CATSPERG: variants seen among roughly 807,000 people sequenced by gnomAD.
CATSPERG encodes cation channel sperm-associated auxiliary subunit gamma.
In CATSPERG, 115 loss-of-function variants were observed where a neutral mutation model predicts 145.0. The observed-to-expected ratio is 0.79, with a 90% CI of 0.68 to 0.93. CATSPERG has a LOEUF of 0.93. CATSPERG is among the 40% of genes least tolerant of loss of function. The pLI is 0.00. For missense variants in CATSPERG, 1,296 were observed against 1,490.1 expected (o/e 0.87, Z 2.14); for synonymous variants, 588 against 589.0 (o/e 1.00, Z 0.02).
chr19:38,367,623 G>A (rs1325750494), intron 24 of CATSPERG, 51 bp downstream of exon 24: 4 of 1,611,940 alleles, frequency 2.5e-6, no homozygotes, highest in Non-Finnish European at 3.4e-6. Flanking sequence ...AGTGGAAGGA[G>A]ATGGGTGCAG....
In CATSPERG at chr19:38,352,162, C is replaced by T. The variant is rs1970153190; in HGVS notation, c.826-99C>T. ...CGCCCTGGGGCAGCTACATGTGTCC[C>T]TCCCAAGCAGCTGTCAGAGCAGGAG... is the stretch of plus-strand genomic sequence containing the variant. On this transcript the variant is annotated intron_variant, in intron 7 of 28. Coordinates refer to ENST00000409235, the MANE Select transcript of CATSPERG (RefSeq NM_021185.5). 21 of 1,252,510 alleles carry T rather than the reference C, an allele frequency of 1.7e-5. No individual in the cohort carries two copies. In the Admixed American group the frequency reaches 1.9e-4, roughly 12 times the overall value. 77.6% of individuals were successfully genotyped at this position (1,252,510 alleles called of 1,614,324 possible). A position where few individuals can be genotyped will look rare whatever the true frequency, so the allele number is the denominator to read the frequency against.
At position 38,367,187 on chromosome 19, in the gene CATSPERG, G is replaced by GC. The variant is rs34818278; in HGVS notation, c.2651dup (p.Gly885ArgfsTer24). The GC allele has an allele frequency of 2.5e-6, 4 of 1,613,282 alleles. No homozygotes were observed. The highest frequency in any genetic ancestry group is 3.4e-6 in the Non-Finnish European group (4 of 1,179,816). The stretch of plus-strand genomic sequence containing the variant: ...CTGATGGTGCCAGTGTTCATTGGCT[G>GC]CCCCCCAGGCAAGCGCCTGGCCTTC... On this transcript the variant is annotated frameshift_variant, in exon 23 of 29. Coordinates refer to ENST00000409235, the MANE Select transcript of CATSPERG (RefSeq NM_021185.5). LOFTEE classifies it high-confidence loss of function.
At position 38,343,724 on chromosome 19, in the gene CATSPERG, G is replaced by A; in HGVS notation, c.469G>A (p.Glu157Lys). The A allele has an allele frequency of 1.3e-6, 2 of 1,549,658 alleles. No individual in the cohort carries two copies. The highest frequency in any genetic ancestry group is 1.4e-5 in the African/African-American group (1 of 73,164). The change falls in exon 4 of 29, where the codon GAG (glutamate) becomes AAG (lysine). Residue 157 changes from glutamate to lysine, a missense_variant and splice_region_variant. Glu to Lys is a moderately conservative substitution (Grantham distance 56). Transcript: ENST00000409235. ...GGAGGCTGCCCCCTTCCGCAGCAAA[G>A]GTGGGCCTGGGGGAGGCGGGAGGGA... ...QMEAAPFRSK[E>K]PCMAEEVCSM...
At position 38,360,548 on chromosome 19, in the gene CATSPERG, G is replaced by A; in HGVS notation, c.1668G>A (p.Trp556Ter). ...RVYQLFPSKG[W>*]QVHISLKLMQ... ...ACCAGCTGTTCCCTTCCAAGGGCTG[G>A]CAGGTGCACATCAGCTTAAAGCTGA... Residue 556 changes from tryptophan to a stop codon, truncating the protein, a stop_gained, in exon 15 of 29, where the codon TGG becomes TGA. Transcript: ENST00000409235. LOFTEE classifies it high-confidence loss of function. The A allele has an allele frequency of 6.2e-7, 1 of 1,614,162 alleles. No homozygotes were observed. Among genetic ancestry groups the A allele is most frequent in the Non-Finnish European group, 8.5e-7 (1 of 1,180,024 alleles).
At chr19:38,336,125 C>G (rs1215573613) in intron 1 of CATSPERG, 2 of 449,330 alleles carry the variant, frequency 4.5e-6, no homozygotes. Flanking sequence ...GGGTATAGAG[C>G]AGGCAGGTGT....
intron 8 of CATSPERG, among the ~76,000 whole-genome samples, chr19:38,353,990 CAAAAAAAAAAA>C (rs965226814): frequency 3.3e-5 from 1 of 30,556 alleles, no homozygotes; most frequent in African/African-American, 1.4e-4. Flanking sequence ...GACTCTGTCT[CAAAAAAAAAAA>C]AAAAAAAAAA....
chr19:38,354,679 T>C, intron 8 of CATSPERG, 31 bp from the exon 9 acceptor site: 1 of 1,611,020 alleles, frequency 6.2e-7, no homozygotes. Context: ...TCCAACCACC[T>C]GGGTCTGAGG....
rs1183951583 is a variant in CATSPERG at position 38,352,379 on chromosome 19, T to C, written c.944T>C (p.Val315Ala). 1 of 1,550,062 alleles carries C rather than the reference T, an allele frequency of 6.5e-7. No individual in the cohort carries two copies. Among genetic ancestry groups the C allele is most frequent in the Non-Finnish European group, 8.7e-7 (1 of 1,146,836 alleles). Residue 315 changes from valine (V) to alanine (A), a missense_variant, in exon 8 of 29, where the codon GTC (valine) becomes GCC (alanine). Physicochemically the swap from Val to Ala is moderately conservative, Grantham distance 64 (BLOSUM62 0). Transcript: ENST00000409235. Reference sequence around the variant, plus strand: ...CTCTTCATTCGGCAGAACCAGCTGGTCTACTATTTTACAGGCACCTATACC... The same window carrying C: ...CTCTTCATTCGGCAGAACCAGCTGGCCTACTATTTTACAGGCACCTATACC... ...STLFIRQNQLVYYFTGTYTTL... is the reference protein window; with the variant it reads ...STLFIRQNQLAYYFTGTYTTL...
intron 4 of CATSPERG, 42 bp downstream of exon 4, chr19:38,343,766 G>A (rs1969977468): frequency 1.3e-6 from 2 of 1,536,034 alleles, no homozygotes; most frequent in African/African-American, 2.7e-5. Context: ...CCTGGCAGGG[G>A]TGTGGGGTTT....
chr19:38,336,472 G>A, intron 1 of CATSPERG: 1 of 308,816 alleles, frequency 3.2e-6, no homozygotes, highest in South Asian at 2.5e-5. Flanking sequence ...AGCAGAGTGA[G>A]GAGCAAGCCC....
chr19:38,352,560 C>A, intron 8 of CATSPERG, 128 bp downstream of exon 8: 55 of 728,966 alleles, frequency 7.5e-5, no homozygotes, highest in Non-Finnish European at 1.1e-4. Flanking sequence ...GGCCCCAAAT[C>A]ACCCTTGCCC....
chr19:38,336,494 CG>C, intron 1 of CATSPERG: 1 of 271,046 alleles, frequency 3.7e-6, no homozygotes, highest in Non-Finnish European at 7.4e-6. Flanking sequence ...GGGCGAGAAA[CG>C]GGGGCCCGGC....
chr19:38,362,328 G>C, intron 18 of CATSPERG, 48 bp from the exon 19 acceptor site: 6 of 1,613,308 alleles, frequency 3.7e-6, no homozygotes, highest in Non-Finnish European at 5.1e-6. Context: ...ACCCCTCACC[G>C]TGCCCCACCC....
At chr19:38,348,841 G>C (rs1026273972) in intron 7 of CATSPERG, among the ~76,000 whole-genome samples, 31 of 152,194 alleles carry the variant, frequency 2.0e-4, no homozygotes, top group Admixed American at 5.9e-4. Context: ...CCAAATTCTT[G>C]TTCCTTATTT....
chr19:38,336,294 G>C (rs1443641226), intron 1 of CATSPERG: 1 of 442,536 alleles, frequency 2.3e-6, no homozygotes, highest in Non-Finnish European at 4.6e-6. Flanking sequence ...AGATCCCGAG[G>C]CGAAGAGACA....
At chr19:38,359,240 C>T (rs1365226610) in intron 13 of CATSPERG, among the ~76,000 whole-genome samples, 1 of 152,086 alleles carries the variant, frequency 6.6e-6, no homozygotes, top group East Asian at 1.9e-4. Context: ...CCTGAGCCAC[C>T]TTCTTGGGTG....
At position 38,346,457 on chromosome 19, in the gene CATSPERG, A is replaced by G. The variant is rs1970043664; in HGVS notation, c.677A>G (p.Asn226Ser). The G allele has an allele frequency of 3.9e-6, 6 of 1,540,188 alleles. No individual in the cohort carries two copies. Among genetic ancestry groups the G allele is most frequent in the Non-Finnish European group, 5.3e-6 (6 of 1,138,006 alleles). ...CCTGTCCCTCCTTGGCAGCTCTTCAACCTGATGCCCCAGTACTTTGTGGGT... is the reference window on the plus strand; with the variant it reads ...CCTGTCCCTCCTTGGCAGCTCTTCAGCCTGATGCCCCAGTACTTTGTGGGT... ...IQFTVGEELF[N>S]LMPQYFVGVS... The change falls in exon 7 of 29, where the codon AAC becomes AGC. Residue 226 changes from asparagine to serine, a missense_variant. By Grantham distance (46) the Asn-to-Ser change is conservative. Transcript: ENST00000409235.
At chr19:38,354,130 G>A (rs182936504) in intron 8 of CATSPERG, among the ~76,000 whole-genome samples, 50 of 151,990 alleles carry the variant, frequency 3.3e-4, no homozygotes, top group African/African-American at 1.1e-3. Context: ...AAGTGAATGC[G>A]TGTTCCCAGC....
chr19:38,339,446 C>T (rs1376191263), intron 3 of CATSPERG, among the ~76,000 whole-genome samples: 2 of 152,150 alleles, frequency 1.3e-5, no homozygotes, highest in Non-Finnish European at 2.9e-5. Context: ...TGTTCCAAGA[C>T]TCTTTTACAT....
Sources: gnomAD v4.1 joint callset for allele counts (sites outside exome capture counted in the v4.1 genomes callset) on GRCh38, gnomAD v4.1.1 for gene constraint, MANE v1.5 for transcripts, NCBI Gene and HGNC (gene_info 2026-07-23, HGNC 2026-07-21) for gene names.